The following COLGALT1 variants were observed in gnomAD, a reference collection of about 807,000 sequenced individuals.
COLGALT1 encodes the protein collagen beta(1-O)galactosyltransferase 1.
In COLGALT1, 43 loss-of-function variants were observed where a neutral mutation model predicts 60.8. That is an observed-to-expected ratio of 0.71 (90% CI 0.55 to 0.91). The LOEUF is 0.91. Ranked by LOEUF, COLGALT1 falls within the 40% of genes least tolerant of loss-of-function variation. The pLI, the probability that COLGALT1 is intolerant of heterozygous loss-of-function variation, is 0.00. For missense variants in COLGALT1, 845 were observed against 880.0 expected, an observed-to-expected ratio of 0.96 and a Z score of 0.50; for synonymous variants, 369 against 374.2, an observed-to-expected ratio of 0.99 and a Z score of 0.16.
Position 17,580,952 on chromosome 19 carries a change from G to C in COLGALT1, c.1601+47G>C, listed in dbSNP as rs748749387. On this transcript the variant is annotated intron_variant, in intron 11 of 11. Coordinates refer to ENST00000252599, the MANE Select transcript of COLGALT1 (RefSeq NM_024656.4). ...TGGGCTGGGGTTTCACGGTGGGTCT[G>C]TCCTGGGAGAATGGGGATGTGAGAC... 3.1e-6 allele frequency: 5 copies of C among 1,599,900 alleles called. No homozygotes were observed. In the South Asian group the frequency reaches 4.4e-5, roughly 14 times the overall value.
rs2076208411 is a variant in COLGALT1 at position 17,555,980 on chromosome 19, C to T, written c.260+7C>T. The T allele has an allele frequency of 4.5e-6, 6 of 1,331,286 alleles. No individual in the cohort carries two copies. The highest frequency in any genetic ancestry group is 1.8e-5 in the South Asian group (1 of 55,696). The allele number at this position is 1,331,286 out of a possible 1,614,324, so 82.5% of individuals were successfully genotyped here. ...GGGAGCGCACGGCGCTATGGTGAGT[C>T]GAGCCCGCTGTCCCCATCAGGCGGG... is the stretch of plus-strand genomic sequence containing the variant. On this transcript the variant is annotated splice_region_variant and intron_variant, in intron 1 of 11. Coordinates refer to ENST00000252599, the MANE Select transcript of COLGALT1 (RefSeq NM_024656.4).
intron 4 of COLGALT1, among the ~76,000 whole-genome samples, chr19:17,567,806 G>A (rs948349259): frequency 3.3e-5 from 5 of 151,902 alleles, no homozygotes; most frequent in African/African-American, 7.3e-5. Context: ...GAAATTAGCC[G>A]GGTATGGTGG....
intron 3 of COLGALT1, among the ~76,000 whole-genome samples, chr19:17,565,191 G>C (rs2076273335): frequency 6.6e-6 from 1 of 151,472 alleles, no homozygotes; most frequent in Non-Finnish European, 1.5e-5. Context: ...GTGTTGCTCT[G>C]TCGCGCAGGT....
At chr19:17,579,442 C>T (rs1599796338) in intron 9 of COLGALT1, 40 bp from the exon 10 acceptor site, 1 of 1,613,812 alleles carries the variant, frequency 6.2e-7, no homozygotes, top group Non-Finnish European at 8.5e-7. Flanking sequence ...TCAGGCCTGG[C>T]CTTGGCCTCC....
At chr19:17,563,893 C>T (rs1295259359) in intron 3 of COLGALT1, among the ~76,000 whole-genome samples, 1 of 132,882 alleles carries the variant, frequency 7.5e-6, no homozygotes, top group African/African-American at 2.5e-5. Flanking sequence ...GTCCCCCTTT[C>T]TCTCTCTTTT....
chr19:17,556,572 G>A, intron 1 of COLGALT1: 1 of 983,320 alleles, frequency 1.0e-6, no homozygotes, highest in Non-Finnish European at 1.2e-6. Flanking sequence ...GAGCTCTGAA[G>A]AAACCTTTGA....
intron 11 of COLGALT1, 33 bp downstream of exon 11, chr19:17,580,938 T>G: frequency 6.2e-7 from 1 of 1,610,464 alleles, no homozygotes; most frequent in South Asian, 1.1e-5. Context: ...GGGCTGGGGT[T>G]TCACGGTGGG....
Position 17,560,129 on chromosome 19 carries a change from G to C in COLGALT1, c.372-219G>C, listed in dbSNP as rs146271097. Among the ~76,000 whole-genome samples, 3 of 151,952 alleles carry C rather than the reference G, an allele frequency of 2.0e-5. No homozygotes were observed. The East Asian group carries it at 5.8e-4, about 29-fold the overall frequency. ...TCCTTCCTTCCCTCCAGTGTGCCTC[G>C]GGCTTTCTTCCCTCCAGGCCTTTGC... On this transcript the variant is annotated intron_variant, in intron 2 of 11. Coordinates refer to ENST00000252599, the MANE Select transcript of COLGALT1 (RefSeq NM_024656.4).
chr19:17,559,500 A>G, intron 2 of COLGALT1, 79 bp downstream of exon 2: 2 of 1,157,190 alleles, frequency 1.7e-6, no homozygotes, highest in Non-Finnish European at 1.3e-6. Context: ...CCATTGCCCC[A>G]GAACAATTAC....
rs2076350149 is a variant in COLGALT1 at position 17,577,359 on chromosome 19, A to T, written c.1027-2A>T. 1 of 1,602,172 alleles carries T rather than the reference A, an allele frequency of 6.2e-7. No individual in the cohort carries two copies. Among genetic ancestry groups the T allele is most frequent in the Non-Finnish European group, 8.5e-7 (1 of 1,175,820 alleles). On this transcript the variant is annotated splice_acceptor_variant, in intron 7 of 11. Transcript: ENST00000252599. LOFTEE classifies it high-confidence loss of function. ...TCTGGCTGGGGACTCTCCGGGCTGC[A>T]GGTCTTCATGATCAACCTGAGGCGG...
In COLGALT1 at chr19:17,573,256, G is replaced by A. The variant is rs148667145; in HGVS notation, c.949+654G>A. Among the ~76,000 whole-genome samples, 535 of 152,076 alleles carry A rather than the reference G, an allele frequency of 3.5e-3. 3 individuals carry two copies. Among genetic ancestry groups the A allele is most frequent in the African/African-American group, 0.013 (519 of 41,482 alleles). On this transcript the variant is annotated intron_variant, in intron 6 of 11. Transcript: ENST00000252599. ...ATTAAAAAAAATTTTGGCCGGGTGC[G>A]GTGGCTCATGCCTGTAATCCTAACA...
chr19:17,569,767 T>C (rs1303862365), intron 5 of COLGALT1, among the ~76,000 whole-genome samples: 1 of 151,962 alleles, frequency 6.6e-6, no homozygotes, highest in African/African-American at 2.4e-5. Flanking sequence ...GTTGAGCATA[T>C]ATTAATTGTT....
intron 3 of COLGALT1, among the ~76,000 whole-genome samples, chr19:17,565,859 C>T (rs993579690): frequency 3.3e-5 from 5 of 152,128 alleles, no homozygotes; most frequent in African/African-American, 9.7e-5. Context: ...CCAGAGGGAC[C>T]GGATGGGGTG....
chr19:17,580,565 A>G (rs1371060811), intron 10 of COLGALT1, 134 bp from the exon 11 acceptor site: 31 of 807,354 alleles, frequency 3.8e-5, no homozygotes, highest in East Asian at 2.7e-5. Flanking sequence ...CACTCCATCC[A>G]GTCACAGAGC....
intron 3 of COLGALT1, among the ~76,000 whole-genome samples, chr19:17,561,954 TCCTC>T (rs2076252275): frequency 6.6e-6 from 1 of 152,160 alleles, no homozygotes; most frequent in Admixed American, 6.6e-5. Context: ...CACTGCAGCC[TCCTC>T]CTCCTGGGTT....
Position 17,581,597 on chromosome 19 carries a change from C to G in COLGALT1, c.*153C>G. On this transcript the variant is annotated 3_prime_UTR_variant, in exon 12 of 12. Transcript: ENST00000252599. ...CCAGCTCTTGCTAAGCAATCACGTGCACACAGGCAGCATTAATGGAGTGCC... is the reference window on the plus strand; with the variant it reads ...CCAGCTCTTGCTAAGCAATCACGTGGACACAGGCAGCATTAATGGAGTGCC... The G allele has an allele frequency of 9.9e-7, 1 of 1,011,590 alleles. No individual in the cohort carries two copies. Among genetic ancestry groups the G allele is most frequent in the South Asian group, 1.7e-5 (1 of 59,276 alleles). The allele number at this position is 1,011,590 out of a possible 1,614,324, so 62.7% of individuals were successfully genotyped here. A position where few individuals can be genotyped will look rare whatever the true frequency, so the allele number is the denominator to read the frequency against.
intron 1 of COLGALT1, among the ~76,000 whole-genome samples, chr19:17,556,846 G>A (rs774723560): frequency 2.0e-5 from 3 of 152,186 alleles, no homozygotes; most frequent in Non-Finnish European, 2.9e-5. Flanking sequence ...CCAGGAGTTC[G>A]AGGCTGCAGT....
chr19:17,579,449 C>T (rs574529523), intron 9 of COLGALT1, 33 bp from the exon 10 acceptor site: 1 of 1,613,980 alleles, frequency 6.2e-7, no homozygotes, highest in African/African-American at 1.3e-5. Context: ...TGGCCTTGGC[C>T]TCCCTGTGAT....
In COLGALT1 at chr19:17,555,835, A is replaced by T; in HGVS notation, c.122A>T (p.Glu41Val). ...GGCGCCGACGCCTACTTCCCCGAGG[A>T]GCGCTGGAGCCCGGAGTCGCCCCTG... Reference protein sequence around the residue: ...PPGADAYFPEERWSPESPLQA... With the variant: ...PPGADAYFPEVRWSPESPLQA... Residue 41 changes from glutamate to valine, a missense_variant, in exon 1 of 12, where the codon GAG becomes GTG. Physicochemically the swap from Glu to Val is moderately radical, Grantham distance 121. Transcript: ENST00000252599. 7.6e-7 allele frequency: 1 copy of T among 1,315,008 alleles called. No individual in the cohort carries two copies. The highest frequency in any genetic ancestry group is 9.7e-7 in the Non-Finnish European group (1 of 1,029,780). The allele number at this position is 1,315,008 out of a possible 1,614,324, so 81.5% of individuals were successfully genotyped here.
Sources: allele counts gnomAD v4.1 joint callset (sites outside exome capture counted in the v4.1 genomes callset), GRCh38; gene constraint gnomAD v4.1.1; transcripts MANE v1.5; gene names NCBI Gene and HGNC (gene_info 2026-07-23, HGNC 2026-07-21).